LUZP2: variants seen among roughly 807,000 people sequenced by gnomAD.
LUZP2 encodes leucine zipper protein 2.
LUZP2 carries 52 observed loss-of-function variants against 51.6 expected under a neutral mutation model. That is an observed-to-expected ratio of 1.01 (90% CI 0.81 to 1.27). LUZP2 has a LOEUF of 1.27. LUZP2 is among the 50% of genes most tolerant of loss of function. The pLI is 0.00. For synonymous variants in LUZP2, 154 were observed against 137.3 expected (o/e 1.12, Z -0.85); for missense variants, 436 against 395.4 (o/e 1.10, Z -0.87).
Position 24,963,212 on chromosome 11 carries a change from G to A in LUZP2, c.523-13379G>A, listed in dbSNP as rs185455613. Among the ~76,000 whole-genome samples the A allele has an allele frequency of 1.2e-3, 188 of 152,290 alleles. 2 individuals are homozygous for A. Among genetic ancestry groups the A allele is most frequent in the African/African-American group, 4.3e-3 (180 of 41,566 alleles). Reference sequence around the variant, plus strand: ...CCAGTTAGGCTGCTCAGGGGTCAGGGGTCACGGACCCACTTGAGGAGGCAG... The same window carrying A: ...CCAGTTAGGCTGCTCAGGGGTCAGGAGTCACGGACCCACTTGAGGAGGCAG... On this transcript the variant is annotated intron_variant, in intron 7 of 11. Transcript: ENST00000336930.
intron 1 of LUZP2, among the ~76,000 whole-genome samples, chr11:24,509,429 G>C (rs1484094392): frequency 6.7e-6 from 1 of 149,416 alleles, no homozygotes; most frequent in East Asian, 1.9e-4. Context: ...TGTACTAGAT[G>C]ATATATATAG....
intron 10 of LUZP2, among the ~76,000 whole-genome samples, chr11:25,074,564 G>T (rs2134059608): frequency 6.6e-6 from 1 of 152,220 alleles, no homozygotes; most frequent in East Asian, 1.9e-4. Context: ...TTGCATAGCA[G>T]ATCTCGTAGT....
chr11:24,930,442 A>G (rs1040623035), intron 7 of LUZP2, among the ~76,000 whole-genome samples: 1 of 152,178 alleles, frequency 6.6e-6, no homozygotes, highest in African/African-American at 2.4e-5. Context: ...AAAATCGCTC[A>G]GTATTGTTTG....
At position 24,649,033 on chromosome 11, in the gene LUZP2, C is replaced by T. The variant is rs149921300; in HGVS notation, c.63-80136C>T. Reference sequence around the variant, plus strand: ...CTTCCTGTCCTGTAACTAATCTTCCCTATGAAAAACAAACATAAAGCCTAA... The same window carrying T: ...CTTCCTGTCCTGTAACTAATCTTCCTTATGAAAAACAAACATAAAGCCTAA... On this transcript the variant is annotated intron_variant, in intron 1 of 11. Coordinates refer to ENST00000336930, the MANE Select transcript of LUZP2 (RefSeq NM_001009909.4). 2.5e-3 allele frequency among the ~76,000 whole-genome samples: 383 copies of T among 152,064 alleles called. 3 individuals are homozygous for T. Among genetic ancestry groups the T allele is most frequent in the African/African-American group, 8.8e-3 (365 of 41,544 alleles).
chr11:24,619,105 T>C (rs1311362512), intron 1 of LUZP2, among the ~76,000 whole-genome samples: 1 of 152,126 alleles, frequency 6.6e-6, no homozygotes, highest in Non-Finnish European at 1.5e-5. Flanking sequence ...CGTAGCTCAC[T>C]GTAACCTCAA....
intron 5 of LUZP2, among the ~76,000 whole-genome samples, chr11:24,849,487 C>G (rs55666221): frequency 6.6e-6 from 1 of 152,100 alleles, no homozygotes. Flanking sequence ...GCATAGTATT[C>G]CATGGTGTAT....
chr11:25,041,563 C>G (rs145823411), intron 9 of LUZP2, among the ~76,000 whole-genome samples: 114 of 152,094 alleles, frequency 7.5e-4, no homozygotes, highest in African/African-American at 2.6e-3. Context: ...AAGTGCTTAC[C>G]AATCAGCTGA....
At chr11:24,879,826 A>G (rs7940936) in intron 5 of LUZP2, among the ~76,000 whole-genome samples, 150,526 of 152,242 alleles carry the variant, frequency 0.99, 74,425 homozygotes, top group East Asian at 1. Context: ...TTGTATCCAA[A>G]TTGCAAGACA....
intron 5 of LUZP2, among the ~76,000 whole-genome samples, chr11:24,861,185 A>G (rs538731082): frequency 6.6e-5 from 10 of 152,264 alleles, no homozygotes; most frequent in African/African-American, 2.4e-4. Context: ...AAATCAACCA[A>G]GTGGAAGAAA....
intron 1 of LUZP2, among the ~76,000 whole-genome samples, chr11:24,597,521 T>G (rs2133854790): frequency 6.6e-6 from 1 of 152,300 alleles, no homozygotes; most frequent in African/African-American, 2.4e-5. Flanking sequence ...TGCATACAAA[T>G]GTAATCAGAT....
intron 5 of LUZP2, among the ~76,000 whole-genome samples, chr11:24,818,254 A>C (rs1850245091): frequency 6.6e-6 from 1 of 152,086 alleles, no homozygotes. Flanking sequence ...AAGCAAGACA[A>C]CAAACGTGGT....
At position 25,078,665 on chromosome 11, in the gene LUZP2, A is replaced by G; in HGVS notation, c.*7A>G. On this transcript the variant is annotated 3_prime_UTR_variant, in exon 12 of 12. Coordinates refer to ENST00000336930, the MANE Select transcript of LUZP2 (RefSeq NM_001009909.4). ...AGAAGAAAAAATACTGTAAATACTA[A>G]GAAACTGTGTTAAAAACGTCCATTT... is the stretch of plus-strand genomic sequence containing the variant. 6.3e-7 allele frequency: 1 copy of G among 1,584,762 alleles called. No individual in the cohort carries two copies.
intron 7 of LUZP2, among the ~76,000 whole-genome samples, chr11:24,952,074 G>A (rs1447197434): frequency 6.6e-6 from 1 of 151,512 alleles, no homozygotes; most frequent in Non-Finnish European, 1.5e-5. Context: ...TGGCAACTGA[G>A]GTTGAGGAGA....
At chr11:24,575,952 C>G (rs558667458) in intron 1 of LUZP2, among the ~76,000 whole-genome samples, 39 of 152,144 alleles carry the variant, frequency 2.6e-4, no homozygotes, top group African/African-American at 8.2e-4. Flanking sequence ...GGACAGATAG[C>G]CTGCATTCAA....
intron 1 of LUZP2, among the ~76,000 whole-genome samples, chr11:24,621,143 A>C (rs1284338591): frequency 6.6e-6 from 1 of 152,242 alleles, no homozygotes; most frequent in African/African-American, 2.4e-5. Context: ...TCTTGAGCTT[A>C]TCACACAGTG....
At chr11:24,899,428 A>AT (rs1853201292) in intron 5 of LUZP2, among the ~76,000 whole-genome samples, 1 of 151,982 alleles carries the variant, frequency 6.6e-6, no homozygotes. Context: ...TAAAAAAAAA[A>AT]CTGTGAGGTT....
chr11:24,812,643 A>G (rs540440715), intron 5 of LUZP2, among the ~76,000 whole-genome samples: 19 of 152,332 alleles, frequency 1.2e-4, no homozygotes, highest in African/African-American at 4.6e-4. Flanking sequence ...AAGAGACAAA[A>G]ATAGATTCTT....
chr11:24,615,165 A>G (rs757630477), intron 1 of LUZP2, among the ~76,000 whole-genome samples: 9 of 152,002 alleles, frequency 5.9e-5, no homozygotes, highest in Non-Finnish European at 1.3e-4. Context: ...AATTCCATGT[A>G]CCTTCACCCA....
chr11:24,876,880 G>A (rs1264859750), intron 5 of LUZP2, among the ~76,000 whole-genome samples: 1 of 152,100 alleles, frequency 6.6e-6, no homozygotes, highest in East Asian at 1.9e-4. Context: ...GACCAAACAG[G>A]AACGGACAAC....
Sources: gnomAD v4.1 joint callset for allele counts (sites outside exome capture counted in the v4.1 genomes callset) on GRCh38, gnomAD v4.1.1 for gene constraint, MANE v1.5 for transcripts, NCBI Gene and HGNC (gene_info 2026-07-23, HGNC 2026-07-21) for gene names.